Variants in EFHC2 observed in about 807,000 individuals in gnomAD.
EFHC2 encodes EF-hand domain-containing family member C2.
In EFHC2, 18 loss-of-function variants were observed where a neutral mutation model predicts 52.7. That is an observed-to-expected ratio of 0.34 (90% CI 0.24 to 0.51). EFHC2 has a LOEUF of 0.51. Among genes scored for constraint, EFHC2 ranks in the 20% least tolerant of loss-of-function variants. EFHC2 has a pLI of 0.97. For missense variants in EFHC2, 513 were observed against 562.5 expected, an observed-to-expected ratio of 0.91 and a Z score of 0.89; for synonymous variants, 203 against 204.1, an observed-to-expected ratio of 0.99 and a Z score of 0.04.
intron 11 of EFHC2, among the ~76,000 whole-genome samples, chrX:44,186,666 C>T (rs1378379945): frequency 9.0e-6 from 1 of 111,512 alleles, no homozygotes; most frequent in East Asian, 2.8e-4. Context: ...TCCAAATAAA[C>T]CCACAGGTAC....
intron 2 of EFHC2, among the ~76,000 whole-genome samples, chrX:44,305,194 G>A (rs148982296): frequency 0.13 from 13,977 of 110,035 alleles, 672 homozygotes; most frequent in Admixed American, 0.19. Context: ...CTTGGGAGGC[G>A]GAGGTTGCAG....
chrX:44,232,592 G>T lies in EFHC2; in HGVS notation c.1509C>A (p.Ile503=). 1.7e-6 allele frequency: 2 copies of T among 1,194,363 alleles called. No homozygotes were observed. The highest frequency in any genetic ancestry group is 2.3e-6 in the Non-Finnish European group (2 of 886,228). Residue 503 remains isoleucine, a synonymous_variant, in exon 10 of 15, where the codon ATC becomes ATA. Coordinates refer to ENST00000420999, the MANE Select transcript of EFHC2 (RefSeq NM_025184.4). The part of the protein sequence containing the change: ...EVFKSELSEY[I]KAEELYIGVT... Reference sequence around the variant, plus strand: ...CTCCAATGTACAGCTCCTCGGCCTTGATATATTCAGATAGTTCACTTTTAA... The same window carrying T: ...CTCCAATGTACAGCTCCTCGGCCTTTATATATTCAGATAGTTCACTTTTAA...
intron 7 of EFHC2, among the ~76,000 whole-genome samples, chrX:44,243,232 C>CA (rs1052112038): frequency 4.5e-5 from 5 of 111,300 alleles, no homozygotes; most frequent in African/African-American, 1.6e-4. Flanking sequence ...ACATAAATGG[C>CA]AAAAAAAGAT....
In EFHC2 at chrX:44,209,019, C is replaced by CTGTG. The variant is rs753101565; in HGVS notation, c.1751+20626_1751+20629dup. ...GCATGATACTGGGTTGATTGGCAAT[C>CTGTG]TGTGTGTGTGTGTGTGTGTGTGTGT... is the stretch of plus-strand genomic sequence containing the variant. On this transcript the variant is annotated intron_variant, in intron 11 of 14. Coordinates refer to ENST00000420999, the MANE Select transcript of EFHC2 (RefSeq NM_025184.4). Among the ~76,000 whole-genome samples the CTGTG allele has an allele frequency of 3.2e-3, 222 of 69,977 alleles. 3 individuals carry two copies. The highest frequency in any genetic ancestry group is 5.0e-3 in the Non-Finnish European group (176 of 35,277). 60.8% of individuals were successfully genotyped at this position (69,977 alleles called of 115,157 possible).
chrX:44,262,635 T>C (rs1225723026), intron 3 of EFHC2, among the ~76,000 whole-genome samples: 1 of 110,951 alleles, frequency 9.0e-6, no homozygotes, highest in Non-Finnish European at 1.9e-5. Context: ...CATAGTTTCA[T>C]GGATGCTGGT....
chrX:44,210,490 G>A (rs190063413), intron 11 of EFHC2, among the ~76,000 whole-genome samples: 3 of 112,315 alleles, frequency 2.7e-5, no homozygotes, highest in East Asian at 2.8e-4. Flanking sequence ...GGACAAATAC[G>A]TCAATTGGAC....
At chrX:44,309,585 C>A (rs1001435502) in intron 2 of EFHC2, 1 of 1,158,368 alleles carries the variant, frequency 8.6e-7, no homozygotes, top group Non-Finnish European at 1.2e-6. Context: ...CTTGTTCTAT[C>A]TGAACAGCAT....
intron 1 of EFHC2, among the ~76,000 whole-genome samples, chrX:44,333,774 A>G (rs1259263102): frequency 1.8e-5 from 2 of 111,099 alleles, no homozygotes; most frequent in Admixed American, 9.6e-5. Flanking sequence ...ATGTGCATCA[A>G]TTTTAGCAAA....
chrX:44,242,314 A>G, intron 7 of EFHC2, 25 bp from the exon 8 acceptor site: 1 of 1,191,139 alleles, frequency 8.4e-7, no homozygotes, highest in Non-Finnish European at 1.1e-6. Context: ...AGGCAAACAA[A>G]ACATCAATAT....
Position 44,248,839 on chromosome X carries a change from C to A in EFHC2, c.936G>T (p.Lys312Asn). 8.3e-7 allele frequency: 1 copy of A among 1,210,040 alleles called. No homozygotes were observed. The highest frequency in any genetic ancestry group is 2.2e-5 in the Admixed American group (1 of 45,856). Reference protein sequence around the residue: ...AVLNSYGDFIKNQADGYLFDR... With the variant: ...AVLNSYGDFINNQADGYLFDR... ...CGAACAGGTAGCCATCCGCTTGGTT[C>A]TTTATAAAGTCACCATATGAATTGA... The change falls in exon 6 of 15, where the codon AAG becomes AAT. Residue 312 changes from lysine to asparagine, a missense_variant. Coordinates refer to ENST00000420999, the MANE Select transcript of EFHC2 (RefSeq NM_025184.4).
chrX:44,248,682 C>T, intron 6 of EFHC2, 121 bp downstream of exon 6: 1 of 581,541 alleles, frequency 1.7e-6, no homozygotes, highest in Admixed American at 3.0e-5. Flanking sequence ...ACAATGCATA[C>T]ATTTATGTAT....
At position 44,148,914 on chromosome X, in the gene EFHC2, A is replaced by T; in HGVS notation, c.2149-18T>A. ...TCACATCTCTAGAAAAAAACCAAAA[A>T]TGGATATGATTAGAACCACATTTCA... is the stretch of plus-strand genomic sequence containing the variant. On this transcript the variant is annotated intron_variant, in intron 14 of 14. Transcript: ENST00000420999. 8.9e-7 allele frequency: 1 copy of T among 1,123,353 alleles called. No individual in the cohort carries two copies. Among genetic ancestry groups the T allele is most frequent in the Non-Finnish European group, 1.2e-6 (1 of 833,819 alleles). The allele number at this position is 1,123,353 out of a possible 1,213,427, so 92.6% of individuals were successfully genotyped here.
intron 13 of EFHC2, among the ~76,000 whole-genome samples, chrX:44,174,855 GT>G (rs1240401848): frequency 9.0e-6 from 1 of 111,366 alleles, no homozygotes; most frequent in African/African-American, 3.3e-5. Flanking sequence ...AGCAAATAGA[GT>G]TAAACAAAAA....
chrX:44,178,744 T>C (rs1186430889), intron 11 of EFHC2, among the ~76,000 whole-genome samples, 180 bp from the exon 12 acceptor site: 3 of 112,555 alleles, frequency 2.7e-5, no homozygotes, highest in Non-Finnish European at 5.6e-5. Flanking sequence ...AAGGCACCAA[T>C]GCCAGAATGG....
In EFHC2 at chrX:44,254,581, T is replaced by C. The variant is rs759965638; in HGVS notation, c.607-4136A>G. Among the ~76,000 whole-genome samples the C allele has an allele frequency of 1.5e-3, 170 of 111,114 alleles. 1 individual carries two copies. Among genetic ancestry groups the C allele is most frequent in the African/African-American group, 5.3e-3 (161 of 30,531 alleles). ...GAAGACAAGATTAGAGAAGAAAGAA[T>C]GAAAAGGAACAAACAAAGCCTCCAA... On this transcript the variant is annotated intron_variant, in intron 4 of 14. Transcript: ENST00000420999.
At position 44,148,893 on chromosome X, in the gene EFHC2, A is replaced by T; in HGVS notation, c.2152T>A (p.Cys718Ser). The T allele has an allele frequency of 8.5e-7, 1 of 1,172,424 alleles. No homozygotes were observed. The highest frequency in any genetic ancestry group is 2.3e-4 in the Middle Eastern group (1 of 4,308). ...GGCATACCAAGCCAAACATCTTCAC[A>T]TCTCTAGAAAAAAACCAAAAATGGA... ...LQPASYLKERCEDVWLGMPSP... is the reference protein window; with the variant it reads ...LQPASYLKERSEDVWLGMPSP... Residue 718 changes from cysteine (C) to serine (S), a missense_variant, in exon 15 of 15, where the codon TGT becomes AGT. Physicochemically the swap from Cys to Ser is moderately radical, Grantham distance 112 (BLOSUM62 -1). Transcript: ENST00000420999.
At chrX:44,160,684 G>A (rs754473635) in intron 14 of EFHC2, among the ~76,000 whole-genome samples, 3 of 112,130 alleles carry the variant, frequency 2.7e-5, no homozygotes, top group South Asian at 3.7e-4. Flanking sequence ...CACTTTGGGA[G>A]GCCGAGGCAG....
At chrX:44,219,194 G>C (rs1602159033) in intron 11 of EFHC2, among the ~76,000 whole-genome samples, 1 of 104,327 alleles carries the variant, frequency 9.6e-6, no homozygotes, top group African/African-American at 3.6e-5. Flanking sequence ...TATCAGAACA[G>C]TAGTTACCTC....
chrX:44,313,021 T>A (rs1387841302), intron 1 of EFHC2, among the ~76,000 whole-genome samples: 2 of 108,890 alleles, frequency 1.8e-5, no homozygotes, highest in Non-Finnish European at 3.8e-5. Context: ...AAAATGACTG[T>A]TACTGCAAGT....
Sources: gnomAD v4.1 joint callset for allele counts (sites outside exome capture counted in the v4.1 genomes callset) on GRCh38, gnomAD v4.1.1 for gene constraint, MANE v1.5 for transcripts, NCBI Gene and HGNC (gene_info 2026-07-23, HGNC 2026-07-21) for gene names.